EEFSEC: variants seen among roughly 807,000 people sequenced by gnomAD.
EEFSEC encodes selenocysteine-specific elongation factor.
Under a neutral mutation model 42.1 loss-of-function variants are expected in EEFSEC, and 43 were observed. The observed-to-expected ratio is 1.02, with a 90% CI of 0.80 to 1.32. EEFSEC has a LOEUF of 1.32. EEFSEC is among the 40% of genes most tolerant of loss of function. The pLI, the probability that EEFSEC is intolerant of heterozygous loss-of-function variation, is 0.00. For synonymous variants in EEFSEC, 354 were observed against 339.1 expected (o/e 1.04, Z -0.48); for missense variants, 745 against 803.6 (o/e 0.93, Z 0.88).
chr3:128,193,062 A>G (rs16842539), intron 1 of EEFSEC, among the ~76,000 whole-genome samples: 1,825 of 152,284 alleles, frequency 0.012, 41 homozygotes, highest in African/African-American at 0.041. Flanking sequence ...TCAGGGTTAA[A>G]TGGGACGGCT....
chr3:128,393,490 G>C (rs1302517223), intron 6 of EEFSEC, among the ~76,000 whole-genome samples: 1 of 152,210 alleles, frequency 6.6e-6, no homozygotes, highest in African/African-American at 2.4e-5. Flanking sequence ...GGCTTCTGAG[G>C]GTAGAGGGAC....
At chr3:128,227,541 C>T (rs1436761931) in intron 1 of EEFSEC, among the ~76,000 whole-genome samples, 1 of 152,174 alleles carries the variant, frequency 6.6e-6, no homozygotes, top group African/African-American at 2.4e-5. Flanking sequence ...GAGGGGCTCT[C>T]TGTGGCTTGG....
chr3:128,312,590 G>A (rs1234825451), intron 4 of EEFSEC, among the ~76,000 whole-genome samples: 3 of 152,258 alleles, frequency 2.0e-5, no homozygotes, highest in Admixed American at 1.3e-4. Context: ...GTTGAAAAGC[G>A]GAATGTTCCC....
At chr3:128,361,940 G>A (rs1040603996) in intron 6 of EEFSEC, among the ~76,000 whole-genome samples, 1 of 152,206 alleles carries the variant, frequency 6.6e-6, no homozygotes, top group Non-Finnish European at 1.5e-5. Context: ...GTAGGGTGGA[G>A]TGAGTCTTGT....
chr3:128,342,241 G>A (rs1404284587), intron 5 of EEFSEC, among the ~76,000 whole-genome samples: 1 of 152,256 alleles, frequency 6.6e-6, no homozygotes, highest in Non-Finnish European at 1.5e-5. Flanking sequence ...GTTAGCACTG[G>A]CTTCCCTGGC....
intron 1 of EEFSEC, among the ~76,000 whole-genome samples, chr3:128,219,479 C>A (rs758232306): frequency 6.6e-6 from 1 of 152,196 alleles, no homozygotes; most frequent in Non-Finnish European, 1.5e-5. Context: ...CCCCCTCAGA[C>A]CTGCTCCTCA....
intron 3 of EEFSEC, 89 bp from the exon 4 acceptor site, chr3:128,264,528 T>G (rs1485984885): frequency 3.4e-5 from 49 of 1,460,882 alleles, no homozygotes; most frequent in Non-Finnish European, 4.1e-5. Flanking sequence ...CTTGATGAAC[T>G]GCTGGTCAGC....
intron 4 of EEFSEC, among the ~76,000 whole-genome samples, chr3:128,284,935 T>C (rs1021004665): frequency 6.6e-6 from 1 of 151,772 alleles, no homozygotes; most frequent in Non-Finnish European, 1.5e-5. Context: ...ATGCAATATG[T>C]AAGGAGAAGC....
chr3:128,383,698 G>A (rs2067803558), intron 6 of EEFSEC, among the ~76,000 whole-genome samples: 1 of 152,254 alleles, frequency 6.6e-6, no homozygotes, highest in African/African-American at 2.4e-5. Context: ...CCCCTTCCTG[G>A]CCTCGTGCCA....
chr3:128,191,685 T>G (rs142186079), intron 1 of EEFSEC, among the ~76,000 whole-genome samples: 235 of 152,316 alleles, frequency 1.5e-3, no homozygotes, highest in African/African-American at 5.1e-3. Flanking sequence ...TTGACTACTC[T>G]AGGGAACTCA....
intron 4 of EEFSEC, among the ~76,000 whole-genome samples, chr3:128,274,098 C>T (rs1361618736): frequency 6.6e-6 from 1 of 152,228 alleles, no homozygotes; most frequent in Non-Finnish European, 1.5e-5. Context: ...CCCCTGCTCA[C>T]CCCAAAGCCT....
At chr3:128,368,449 A>AC (rs2067615710) in intron 6 of EEFSEC, among the ~76,000 whole-genome samples, 1 of 64,114 alleles carries the variant, frequency 1.6e-5, no homozygotes, top group African/African-American at 1.2e-4. Context: ...AAAAACAAAA[A>AC]AAAAAAAACA....
intron 1 of EEFSEC, among the ~76,000 whole-genome samples, chr3:128,242,213 G>A (rs1052309397): frequency 1.3e-5 from 2 of 152,014 alleles, no homozygotes; most frequent in Non-Finnish European, 2.9e-5. Flanking sequence ...CAGCTACTTG[G>A]GAGGCTAGGA....
chr3:128,203,248 G>A (rs1048561977), intron 1 of EEFSEC, among the ~76,000 whole-genome samples: 11 of 152,234 alleles, frequency 7.2e-5, no homozygotes, highest in African/African-American at 1.9e-4. Flanking sequence ...GTTGACGGAA[G>A]TGATTTGATT....
Position 128,228,575 on chromosome 3 carries a change from G to A in EEFSEC, c.317-18261G>A, listed in dbSNP as rs77139069. Among the ~76,000 whole-genome samples, 394 of 152,102 alleles carry A rather than the reference G, an allele frequency of 2.6e-3. 2 individuals are homozygous for A. The highest frequency in any genetic ancestry group is 8.7e-3 in the African/African-American group (361 of 41,482). On this transcript the variant is annotated intron_variant, in intron 1 of 6. Coordinates refer to ENST00000254730, the MANE Select transcript of EEFSEC (RefSeq NM_021937.5). ...TTCCTTGCCCAGGGAGGAGGGTCAG[G>A]GTTGGGGAGTCGGTCTCTGACCTTG...
At chr3:128,263,258 T>C (rs1170631883) in intron 3 of EEFSEC, among the ~76,000 whole-genome samples, 1 of 152,212 alleles carries the variant, frequency 6.6e-6, no homozygotes, top group Non-Finnish European at 1.5e-5. Context: ...AGATGTTAAA[T>C]AACTTGACCC....
the EEFSEC span, among the ~76,000 whole-genome samples, chr3:128,424,820 C>A: frequency 6.6e-6 from 1 of 152,144 alleles, no homozygotes; most frequent in African/African-American, 2.4e-5. Flanking sequence ...GTAACAACCT[C>A]CGGGACCGTG....
intron 5 of EEFSEC, among the ~76,000 whole-genome samples, chr3:128,355,201 TC>T (rs2107584543): frequency 6.6e-6 from 1 of 152,250 alleles, no homozygotes; most frequent in African/African-American, 2.4e-5. Flanking sequence ...CTCGCAGAAC[TC>T]CCAGTCCGAG....
At chr3:128,256,524 A>G (rs769993026) in intron 2 of EEFSEC, among the ~76,000 whole-genome samples, 10 of 152,202 alleles carry the variant, frequency 6.6e-5, no homozygotes, top group Non-Finnish European at 1.3e-4. Flanking sequence ...CATCAGCACC[A>G]AGACACTGGC....
Sources: gnomAD v4.1 joint callset for allele counts (sites outside exome capture counted in the v4.1 genomes callset) on GRCh38, gnomAD v4.1.1 for gene constraint, MANE v1.5 for transcripts, NCBI Gene and HGNC (gene_info 2026-07-23, HGNC 2026-07-21) for gene names.